The following FTO variants were observed in gnomAD, a reference collection of about 807,000 sequenced individuals.
The protein encoded by FTO is alpha-ketoglutarate-dependent dioxygenase FTO.
A neutral mutation model predicts 63.9 loss-of-function variants in FTO; 47 were observed. That is an observed-to-expected ratio of 0.74 (90% CI 0.58 to 0.94). The LOEUF (loss-of-function observed/expected upper bound fraction) is 0.94, where lower values mean the gene tolerates loss of function less well. Among genes scored for constraint, FTO ranks in the 40% least tolerant of loss-of-function variants. FTO has a pLI of 0.00. For synonymous variants in FTO, 207 were observed against 224.4 expected, an observed-to-expected ratio of 0.92 and a Z score of 0.69; for missense variants, 562 against 618.1, an observed-to-expected ratio of 0.91 and a Z score of 0.96.
chr16:54,069,563 G>T (rs192660828), intron 8 of FTO, among the ~76,000 whole-genome samples: 3 of 152,122 alleles, frequency 2.0e-5, no homozygotes, highest in East Asian at 1.9e-4. Context: ...AGAATTGCAG[G>T]TTATTTATAT....
intron 8 of FTO, among the ~76,000 whole-genome samples, chr16:54,021,191 TC>T (rs1238950421): frequency 2.0e-5 from 3 of 152,126 alleles, no homozygotes; most frequent in African/African-American, 7.2e-5. Flanking sequence ...CTCTCCTCTT[TC>T]TATTCTTCTA....
In FTO at chr16:53,715,945, A is replaced by G. The variant is rs187302478; in HGVS notation, c.45+11716A>G. Reference sequence around the variant, plus strand: ...GGATTACAGGCTGGAGACTTGAGGAAGTGTAAGATATAATCTTTGCTATTG... The same window carrying G: ...GGATTACAGGCTGGAGACTTGAGGAGGTGTAAGATATAATCTTTGCTATTG... On this transcript the variant is annotated intron_variant, in intron 1 of 8. Coordinates refer to ENST00000471389, the MANE Select transcript of FTO (RefSeq NM_001080432.3). Among the ~76,000 whole-genome samples, 573 of 152,312 alleles carry G rather than the reference A, an allele frequency of 3.8e-3. 4 individuals carry two copies. Among genetic ancestry groups the G allele is most frequent in the African/African-American group, 0.013 (550 of 41,560 alleles).
intron 8 of FTO, among the ~76,000 whole-genome samples, chr16:54,087,150 A>G (rs1300753684): frequency 6.6e-6 from 1 of 152,226 alleles, no homozygotes; most frequent in Non-Finnish European, 1.5e-5. Context: ...GGGCTAGAAT[A>G]GTGGACAAGA....
chr16:54,036,258 G>A (rs1259804984), intron 8 of FTO, among the ~76,000 whole-genome samples: 3 of 152,154 alleles, frequency 2.0e-5, no homozygotes, highest in African/African-American at 4.8e-5. Context: ...GCCCCATAAT[G>A]TTTTAAACAT....
At chr16:53,916,649 A>T (rs1286475712) in intron 7 of FTO, among the ~76,000 whole-genome samples, 1 of 152,218 alleles carries the variant, frequency 6.6e-6, no homozygotes, top group African/African-American at 2.4e-5. Context: ...CACTAAATGT[A>T]TACACAGAGC....
At chr16:53,722,789 C>G in intron 1 of FTO, among the ~76,000 whole-genome samples, 1 of 150,638 alleles carries the variant, frequency 6.6e-6, no homozygotes, top group Middle Eastern at 3.2e-3. Flanking sequence ...GGTTGCACCA[C>G]TGCACTCCAG....
chr16:54,100,788 A>G (rs1209733630), intron 8 of FTO, among the ~76,000 whole-genome samples: 1 of 152,196 alleles, frequency 6.6e-6, no homozygotes, highest in Non-Finnish European at 1.5e-5. Context: ...TCTCTGATAA[A>G]CCTACAGGGG....
intron 1 of FTO, among the ~76,000 whole-genome samples, chr16:53,740,732 A>G (rs929766794): frequency 1.3e-5 from 2 of 152,212 alleles, no homozygotes; most frequent in Non-Finnish European, 2.9e-5. Context: ...CTTTTTCAGC[A>G]CATTTCAATG....
rs551108125 is a variant in FTO at position 53,971,141 on chromosome 16, G to A, written c.1364+37032G>A. On this transcript the variant is annotated intron_variant, in intron 8 of 8. Transcript: ENST00000471389. Reference sequence around the variant, plus strand: ...TTATAATGGCTACTGGATATTCCATGTAGAGGATGTATTACAATATGCAAA... The same window carrying A: ...TTATAATGGCTACTGGATATTCCATATAGAGGATGTATTACAATATGCAAA... Among the ~76,000 whole-genome samples the A allele has an allele frequency of 2.0e-5, 3 of 152,320 alleles. No individual in the cohort carries two copies. In the South Asian group the frequency reaches 6.2e-4, roughly 32 times the overall value.
chr16:54,024,275 G>A (rs533707261), intron 8 of FTO, among the ~76,000 whole-genome samples: 1 of 152,290 alleles, frequency 6.6e-6, no homozygotes, highest in South Asian at 2.1e-4. Flanking sequence ...CCAGGCTGGA[G>A]TGCAGAGGCA....
intron 4 of FTO, among the ~76,000 whole-genome samples, chr16:53,852,220 G>T (rs963417813): frequency 6.6e-6 from 1 of 151,584 alleles, no homozygotes; most frequent in African/African-American, 2.4e-5. Context: ...AGCCTAAAGG[G>T]AACTGTGATC....
At chr16:53,979,535 C>CTGTGTGTGTG in intron 8 of FTO, 1 of 347,842 alleles carries the variant, frequency 2.9e-6, no homozygotes, top group Non-Finnish European at 5.1e-6. Context: ...ATGTTTATGG[C>CTGTGTGTGTG]TGTGTGTGTG....
intron 8 of FTO, among the ~76,000 whole-genome samples, chr16:54,002,608 A>G (rs2084093898): frequency 6.6e-6 from 1 of 152,228 alleles, no homozygotes; most frequent in East Asian, 1.9e-4. Context: ...TCTTGATGTC[A>G]CATTACCCTT....
chr16:53,760,101 A>T (rs2077020785), intron 1 of FTO, among the ~76,000 whole-genome samples: 1 of 151,802 alleles, frequency 6.6e-6, no homozygotes, highest in Non-Finnish European at 1.5e-5. Flanking sequence ...GTTCCTGGTT[A>T]TTGTATTCCT....
chr16:54,019,716 A>G (rs1365255393), intron 8 of FTO, among the ~76,000 whole-genome samples: 8 of 152,088 alleles, frequency 5.3e-5, no homozygotes, highest in African/African-American at 1.9e-4. Flanking sequence ...TTTGGTGGAG[A>G]TTTGACATCC....
chr16:54,036,532 G>T (rs1274131871), intron 8 of FTO, among the ~76,000 whole-genome samples: 1 of 152,154 alleles, frequency 6.6e-6, no homozygotes, highest in Non-Finnish European at 1.5e-5. Context: ...AATCAAAAAT[G>T]AGTTCATTTC....
intron 1 of FTO, among the ~76,000 whole-genome samples, chr16:53,726,546 A>G (rs1235885651): frequency 2.0e-5 from 3 of 152,196 alleles, no homozygotes; most frequent in Non-Finnish European, 2.9e-5. Flanking sequence ...GCTTAACGGT[A>G]TACTTTGCAT....
intron 8 of FTO, among the ~76,000 whole-genome samples, chr16:54,100,378 GGT>G (rs2086612930): frequency 6.6e-6 from 1 of 152,066 alleles, no homozygotes; most frequent in South Asian, 2.1e-4. Flanking sequence ...TTTGAGACAG[GGT>G]CTTGCTCTGC....
intron 1 of FTO, among the ~76,000 whole-genome samples, chr16:53,742,324 G>GCCA (rs890942232): frequency 7.2e-5 from 11 of 152,120 alleles, no homozygotes; most frequent in Admixed American, 6.6e-5. Flanking sequence ...TTAGAACTAT[G>GCCA]CCATATGGCC....
Sources: gnomAD v4.1 joint callset for allele counts (sites outside exome capture counted in the v4.1 genomes callset) on GRCh38, gnomAD v4.1.1 for gene constraint, MANE v1.5 for transcripts, NCBI Gene and HGNC (gene_info 2026-07-23, HGNC 2026-07-21) for gene names.